Variants in COL9A1 observed in about 807,000 individuals in gnomAD.
The protein encoded by COL9A1 is collagen alpha-1(IX) chain.
A neutral mutation model predicts 142.6 loss-of-function variants in COL9A1; 104 were observed. The observed-to-expected ratio is 0.73, with a 90% CI of 0.62 to 0.86. COL9A1 has a LOEUF of 0.86. Among genes scored for constraint, COL9A1 ranks in the 40% least tolerant of loss-of-function variants. The pLI is 0.00. For missense variants in COL9A1, 1,210 were observed against 1,176.6 expected, an observed-to-expected ratio of 1.03 and a Z score of -0.42; for synonymous variants, 466 against 396.0, an observed-to-expected ratio of 1.18 and a Z score of -2.10.
At chr6:70,243,659 C>T (rs1770412989) in intron 28 of COL9A1, among the ~76,000 whole-genome samples, 1 of 152,160 alleles carries the variant, frequency 6.6e-6, no homozygotes, top group African/African-American at 2.4e-5. Flanking sequence ...TCCTGAGTAG[C>T]TGGGAGTACA....
chr6:70,229,003 G>T (rs1466357519), intron 36 of COL9A1, among the ~76,000 whole-genome samples: 1 of 152,128 alleles, frequency 6.6e-6, no homozygotes, highest in Non-Finnish European at 1.5e-5. Context: ...ATGAGATGAA[G>T]ATTATAAATT....
chr6:70,249,058 A>G (rs1234211324), intron 28 of COL9A1, among the ~76,000 whole-genome samples: 1 of 152,030 alleles, frequency 6.6e-6, no homozygotes, highest in Admixed American at 6.6e-5. Flanking sequence ...GAGAATTAGC[A>G]TGGAGTCCAG....
At chr6:70,255,638 G>A (rs764581634) in intron 21 of COL9A1, among the ~76,000 whole-genome samples, 1 of 152,178 alleles carries the variant, frequency 6.6e-6, no homozygotes, top group Non-Finnish European at 1.5e-5. Flanking sequence ...ATGCCTCTGT[G>A]TTCTTGTGTG....
At chr6:70,276,277 A>G (rs1268777216) in intron 10 of COL9A1, among the ~76,000 whole-genome samples, 1 of 152,126 alleles carries the variant, frequency 6.6e-6, no homozygotes, top group Non-Finnish European at 1.5e-5. Context: ...CACTCTCTGG[A>G]TGCACATATG....
intron 10 of COL9A1, among the ~76,000 whole-genome samples, chr6:70,276,671 T>A (rs951060954): frequency 6.6e-6 from 1 of 152,202 alleles, no homozygotes; most frequent in Admixed American, 6.5e-5. Flanking sequence ...ACAAGAGTCA[T>A]ATGTCCATTA....
intron 31 of COL9A1, among the ~76,000 whole-genome samples, chr6:70,241,140 G>A (rs1358745487): frequency 6.6e-6 from 1 of 152,132 alleles, no homozygotes; most frequent in East Asian, 1.9e-4. Flanking sequence ...CATTGGATAT[G>A]AATAAACCAA....
At chr6:70,274,360 C>T (rs1439033338) in intron 11 of COL9A1, among the ~76,000 whole-genome samples, 1 of 152,118 alleles carries the variant, frequency 6.6e-6, no homozygotes, top group African/African-American at 2.4e-5. Context: ...TCTCCCTCCT[C>T]CCACCCCCTA....
rs1248806107 is a variant in COL9A1 at position 70,279,964 on chromosome 6, G to T, written c.975+848C>A. 5.9e-6 allele frequency: 4 copies of T among 680,024 alleles called. No homozygotes were observed. The Admixed American group carries it at 6.1e-5, about 10-fold the overall frequency. The allele number at this position is 680,024 out of a possible 1,614,324, so 42.1% of individuals were successfully genotyped here. A position where few individuals can be genotyped will look rare whatever the true frequency, so the allele number is the denominator to read the frequency against. On this transcript the variant is annotated intron_variant, in intron 10 of 37. Transcript: ENST00000357250. ...GCACCATGGTATGCTAAGAACAGAC[G>T]CCATTTCTTACTTCACTTCATATTC... is the stretch of plus-strand genomic sequence containing the variant.
At position 70,242,024 on chromosome 6, in the gene COL9A1, A is replaced by T; in HGVS notation, c.1938T>A (p.Gly646=). 6.3e-7 allele frequency: 1 copy of T among 1,594,134 alleles called. No individual in the cohort carries two copies. Among genetic ancestry groups the T allele is most frequent in the Non-Finnish European group, 8.6e-7 (1 of 1,168,734 alleles). ...PGLPGKLGSL[G]SPGLPGLPGP... is the part of the protein sequence containing the mutation. ...CAGGCAAGCCAGGGAGGCCAGGGCT[A>T]CCCAGAGAACCCTGGAAAGCAAAAA... Residue 646 remains glycine (G), a synonymous_variant, in exon 30 of 38, where the codon GGT becomes GGA. Transcript: ENST00000357250.
At chr6:70,254,161 G>A (rs770660305) in intron 25 of COL9A1, among the ~76,000 whole-genome samples, 1 of 152,146 alleles carries the variant, frequency 6.6e-6, no homozygotes, top group Non-Finnish European at 1.5e-5. Flanking sequence ...CCGGTTTAAA[G>A]TGGAATGAAA....
At chr6:70,232,203 C>T (rs752241332) in intron 36 of COL9A1, among the ~76,000 whole-genome samples, 3 of 152,032 alleles carry the variant, frequency 2.0e-5, no homozygotes, top group Non-Finnish European at 4.4e-5. Flanking sequence ...AGGATGGTTG[C>T]CATGTTAGAG....
rs11407353 is a variant in COL9A1 at position 70,227,424 on chromosome 6, T to TAAAA, written c.2504-1419_2504-1416dup. Among the ~76,000 whole-genome samples, 493 of 49,962 alleles carry TAAAA rather than the reference T, an allele frequency of 9.9e-3. 19 individuals carry two copies. The highest frequency in any genetic ancestry group is 0.029 in the African/African-American group (258 of 8,846). 32.8% of individuals were successfully genotyped at this position (49,962 alleles called of 152,430 possible). A position where few individuals can be genotyped will look rare whatever the true frequency, so the allele number is the denominator to read the frequency against. On this transcript the variant is annotated intron_variant, in intron 36 of 37. Coordinates refer to ENST00000357250, the MANE Select transcript of COL9A1 (RefSeq NM_001851.6). ...CTCATAACAAAATAAATGCAAATTG[T>TAAAA]AAAAAAAAAAAAAAAAAAAAAAAAG...
At chr6:70,287,195 TACA>T (rs904837798) in intron 5 of COL9A1, among the ~76,000 whole-genome samples, 15 of 152,072 alleles carry the variant, frequency 9.9e-5, no homozygotes, top group South Asian at 2.1e-4. Flanking sequence ...ATAGAGGGGT[TACA>T]ACAACAAGTC....
Position 70,254,513 on chromosome 6 carries a change from G to C in COL9A1, c.1682C>G (p.Pro561Arg), listed in dbSNP as rs982761741. Residue 561 changes from proline to arginine, a missense_variant, in exon 25 of 38, where the codon CCT (proline) becomes CGT (arginine). Transcript: ENST00000357250. ...MPGTKGEPGKPGPPGDAGLQG... is the reference protein window; with the variant it reads ...MPGTKGEPGKRGPPGDAGLQG... ...CAATCCTGCATCACCAGGAGGCCCA[G>C]GTTTTCCTGGTTCACCCTGCAAAAA... 1.5e-5 allele frequency: 24 copies of C among 1,613,916 alleles called. No individual in the cohort carries two copies. Among genetic ancestry groups the C allele is most frequent in the African/African-American group, 6.7e-5 (5 of 74,896 alleles).
intron 28 of COL9A1, among the ~76,000 whole-genome samples, chr6:70,243,474 T>C (rs114115227): frequency 2.6e-3 from 398 of 152,324 alleles, no homozygotes; most frequent in African/African-American, 8.9e-3. Flanking sequence ...TTTTCAACTT[T>C]TTTCCCTGAG....
chr6:70,274,797 A>G (rs1396257763), intron 10 of COL9A1, 25 bp from the exon 11 acceptor site: 1 of 1,598,030 alleles, frequency 6.3e-7, no homozygotes, highest in African/African-American at 1.3e-5. Flanking sequence ...CAATGATGTT[A>G]GAACTATCAT....
At chr6:70,297,756 C>A (rs1307866498) in intron 4 of COL9A1, among the ~76,000 whole-genome samples, 3 of 151,650 alleles carry the variant, frequency 2.0e-5, no homozygotes, top group African/African-American at 7.3e-5. Context: ...TGACCTTAAC[C>A]CAAAAAAGAC....
intron 28 of COL9A1, among the ~76,000 whole-genome samples, chr6:70,244,557 AT>A (rs1770469020): frequency 1.3e-5 from 2 of 152,220 alleles, no homozygotes; most frequent in East Asian, 3.8e-4. Flanking sequence ...ATTAATAGTA[AT>A]TGGTGGGGAA....
At chr6:70,257,921 G>A (rs1771424291) in intron 20 of COL9A1, among the ~76,000 whole-genome samples, 1 of 152,168 alleles carries the variant, frequency 6.6e-6, no homozygotes, top group African/African-American at 2.4e-5. Context: ...ATTACTGGAA[G>A]GACCTGAGCA....
Sources: gnomAD v4.1 joint callset for allele counts (sites outside exome capture counted in the v4.1 genomes callset) on GRCh38, gnomAD v4.1.1 for gene constraint, MANE v1.5 for transcripts, NCBI Gene and HGNC (gene_info 2026-07-23, HGNC 2026-07-21) for gene names.